The following PRKAR1B variants were observed in gnomAD, a reference collection of about 807,000 sequenced individuals.
The protein encoded by PRKAR1B is protein kinase cAMP-dependent type I regulatory subunit beta.
PRKAR1B carries 22 observed loss-of-function variants against 46.5 expected under a neutral mutation model. The ratio of observed to expected loss-of-function variants is 0.47; its 90% CI spans 0.34 to 0.68. The LOEUF is 0.68. PRKAR1B is among the 30% of genes least tolerant of loss of function. PRKAR1B has a pLI of 0.01. For synonymous variants in PRKAR1B, 259 were observed against 217.7 expected, an observed-to-expected ratio of 1.19 and a Z score of -1.67; for missense variants, 445 against 535.6, an observed-to-expected ratio of 0.83 and a Z score of 1.67.
At chr7:724,033 A>T (rs1356257593) in intron 1 of PRKAR1B, among the ~76,000 whole-genome samples, 1 of 152,032 alleles carries the variant, frequency 6.6e-6, no homozygotes, top group African/African-American at 2.4e-5. Flanking sequence ...CAACCTCATG[A>T]CCTCATCTCA....
At chr7:702,741 T>G (rs1478060182) in intron 2 of PRKAR1B, among the ~76,000 whole-genome samples, 1 of 152,166 alleles carries the variant, frequency 6.6e-6, no homozygotes, top group African/African-American at 2.4e-5. Context: ...GAGAATGGTG[T>G]GAACCCAGGA....
intron 6 of PRKAR1B, among the ~76,000 whole-genome samples, chr7:605,756 T>C (rs28630649): frequency 2.4e-3 from 365 of 152,290 alleles, no homozygotes; most frequent in Middle Eastern, 6.8e-3. Context: ...AGGCAGCCGT[T>C]GTTTGATCGT....
At chr7:605,194 C>T (rs973578580) in intron 6 of PRKAR1B, among the ~76,000 whole-genome samples, 8 of 152,228 alleles carry the variant, frequency 5.3e-5, no homozygotes, top group African/African-American at 7.2e-5. Context: ...CCAGTGCAGG[C>T]GGATTCCAGG....
At chr7:638,411 G>A (rs1262517678) in intron 4 of PRKAR1B, among the ~76,000 whole-genome samples, 2 of 152,076 alleles carry the variant, frequency 1.3e-5, no homozygotes, top group East Asian at 3.9e-4. Flanking sequence ...TCCCCCGGGG[G>A]CCTCGGGACA....
intron 4 of PRKAR1B, among the ~76,000 whole-genome samples, chr7:621,986 T>C (rs1387609398): frequency 6.6e-6 from 1 of 152,250 alleles, no homozygotes; most frequent in Non-Finnish European, 1.5e-5. Flanking sequence ...CCAGGAGTGA[T>C]GCAAATGGAG....
At chr7:610,765 T>TC (rs1404623993) in intron 4 of PRKAR1B, among the ~76,000 whole-genome samples, 1 of 152,212 alleles carries the variant, frequency 6.6e-6, no homozygotes, top group Non-Finnish European at 1.5e-5. Flanking sequence ...GGCCCTGGCC[T>TC]CTTCTGTCTG....
intron 8 of PRKAR1B, among the ~76,000 whole-genome samples, chr7:584,262 C>T (rs1195827625): frequency 6.6e-6 from 1 of 152,212 alleles, no homozygotes; most frequent in Non-Finnish European, 1.5e-5. Flanking sequence ...ATGGCAGAGA[C>T]GTTGAGAAGC....
At chr7:571,194 C>T (rs1002952612) in intron 9 of PRKAR1B, among the ~76,000 whole-genome samples, 5 of 152,110 alleles carry the variant, frequency 3.3e-5, no homozygotes, top group Admixed American at 3.3e-4. Flanking sequence ...CAAAATGTGG[C>T]ACCGGCACTG....
chr7:655,361 G>A (rs1054142058), intron 4 of PRKAR1B, among the ~76,000 whole-genome samples: 1 of 152,162 alleles, frequency 6.6e-6, no homozygotes, highest in Non-Finnish European at 1.5e-5. Context: ...AACCAGGCAT[G>A]CCCCTGACCA....
chr7:628,233 G>A (rs963295101), intron 4 of PRKAR1B, among the ~76,000 whole-genome samples: 1 of 152,228 alleles, frequency 6.6e-6, no homozygotes, highest in Non-Finnish European at 1.5e-5. Context: ...CACCGGATCT[G>A]CCTCTGCATC....
At chr7:719,237 AC>A (rs1780990779) in intron 1 of PRKAR1B, among the ~76,000 whole-genome samples, 1 of 151,514 alleles carries the variant, frequency 6.6e-6, no homozygotes, top group East Asian at 1.9e-4. Flanking sequence ...ACGCGGTTTC[AC>A]CCTCTTGGCC....
chr7:727,417 C>A (rs1453021677), upstream of PRKAR1B: 2 of 553,344 alleles, frequency 3.6e-6, no homozygotes, highest in African/African-American at 2.2e-5. Flanking sequence ...GCCCCGCCCC[C>A]CTCCACGCCC....
chr7:659,298 G>A (rs1332314940), intron 4 of PRKAR1B, among the ~76,000 whole-genome samples: 1 of 152,228 alleles, frequency 6.6e-6, no homozygotes, highest in Admixed American at 6.5e-5. Flanking sequence ...TGCGCATGCA[G>A]TATCTTCAAC....
intron 9 of PRKAR1B, among the ~76,000 whole-genome samples, chr7:556,563 G>T (rs1181179865): frequency 6.6e-6 from 1 of 152,232 alleles, no homozygotes; most frequent in Non-Finnish European, 1.5e-5. Flanking sequence ...TCACTGCCAA[G>T]ACGGCCGGCA....
At chr7:605,869 C>T (rs983865139) in intron 6 of PRKAR1B, among the ~76,000 whole-genome samples, 2 of 152,164 alleles carry the variant, frequency 1.3e-5, no homozygotes, top group Admixed American at 6.5e-5. Context: ...TCATCGGCCT[C>T]GGATCTGGAG....
intron 7 of PRKAR1B, among the ~76,000 whole-genome samples, chr7:587,517 T>G (rs1443169210): frequency 1.3e-5 from 2 of 152,164 alleles, no homozygotes; most frequent in African/African-American, 2.4e-5. Flanking sequence ...CACTGCCCCC[T>G]CTCCTATCTC....
rs1461631194 is a variant in PRKAR1B at position 673,884 on chromosome 7, G to A, written c.440+3345C>T. Among the ~76,000 whole-genome samples the A allele has an allele frequency of 5.3e-5, 8 of 152,154 alleles. No individual in the cohort carries two copies. In the East Asian group the frequency reaches 7.7e-4, roughly 15 times the overall value. On this transcript the variant is annotated intron_variant, in intron 4 of 10. Transcript: ENST00000537384. ...CAGGACCACGCCCTCCAGAGGCCCC[G>A]GGCAGGCCCCTCCTCGCCTCTTCAG...
intron 6 of PRKAR1B, among the ~76,000 whole-genome samples, chr7:605,526 C>A (rs1781976309): frequency 6.6e-6 from 1 of 152,218 alleles, no homozygotes; most frequent in Non-Finnish European, 1.5e-5. Context: ...TGTTTATTTA[C>A]TTAGTTTTAT....
intron 1 of PRKAR1B, among the ~76,000 whole-genome samples, chr7:722,473 G>T (rs1003691613): frequency 7.2e-5 from 11 of 151,866 alleles, no homozygotes; most frequent in African/African-American, 2.7e-4. Flanking sequence ...CTGACCACAG[G>T]TGATCTGCCT....
Sources: allele counts gnomAD v4.1 joint callset (sites outside exome capture counted in the v4.1 genomes callset), GRCh38; gene constraint gnomAD v4.1.1; transcripts MANE v1.5; gene names NCBI Gene and HGNC (gene_info 2026-07-23, HGNC 2026-07-21).